The following TENM2 variants were observed in gnomAD, a reference collection of about 807,000 sequenced individuals.
TENM2 encodes teneurin transmembrane protein 2, also known as teneurin-2.
In TENM2, 52 loss-of-function variants were observed where a neutral mutation model predicts 245.2. The observed-to-expected ratio is 0.21, with a 90% CI of 0.17 to 0.27. The LOEUF is 0.27. Among genes scored for constraint, TENM2 ranks in the 10% least tolerant of loss-of-function variants. The pLI, the probability that TENM2 is intolerant of heterozygous loss-of-function variation, is 1.00. For missense variants in TENM2, 3,046 were observed against 3,666.8 expected (o/e 0.83, Z 4.37); for synonymous variants, 1,363 against 1,438.9 (o/e 0.95, Z 1.19).
chr5:168,227,039 G>T (rs546972139), intron 24 of TENM2, among the ~76,000 whole-genome samples: 1 of 152,084 alleles, frequency 6.6e-6, no homozygotes, highest in Non-Finnish European at 1.5e-5. Context: ...GTCCTTCTGC[G>T]TGTGACGGCT....
chr5:167,349,591 G>A (rs1758692316), intron 1 of TENM2, among the ~76,000 whole-genome samples: 1 of 151,864 alleles, frequency 6.6e-6, no homozygotes. Context: ...TTATCTTATT[G>A]TAATTACTAT....
the TENM2 span, among the ~76,000 whole-genome samples, chr5:167,059,993 G>A: frequency 7.9e-5 from 12 of 152,010 alleles, no homozygotes; most frequent in African/African-American, 2.2e-4. Context: ...ATGAGCCACC[G>A]TGCCCAGCCA....
the TENM2 span, among the ~76,000 whole-genome samples, chr5:166,992,980 T>C: frequency 1.3e-5 from 2 of 152,162 alleles, no homozygotes; most frequent in African/African-American, 4.8e-5. Flanking sequence ...CAGATTATTC[T>C]GTGTAGTCCA....
At chr5:167,185,579 G>A in the TENM2 span, among the ~76,000 whole-genome samples, 2 of 151,868 alleles carry the variant, frequency 1.3e-5, no homozygotes, top group African/African-American at 2.4e-5. Context: ...ACCCATCAGC[G>A]ATCACTATCA....
At chr5:167,675,063 A>G (rs1423799326) in intron 2 of TENM2, among the ~76,000 whole-genome samples, 1 of 152,088 alleles carries the variant, frequency 6.6e-6, no homozygotes. Context: ...GAATGGTGAG[A>G]AAAAAAGAAA....
chr5:168,263,140 G>A (rs1768359572), downstream of TENM2: 6 of 233,896 alleles, frequency 2.6e-5, no homozygotes, highest in South Asian at 1.4e-4. Flanking sequence ...GTGTCCAAAA[G>A]GAACAAAAGA....
the TENM2 span, among the ~76,000 whole-genome samples, chr5:167,245,074 C>T: frequency 6.6e-6 from 1 of 152,242 alleles, no homozygotes; most frequent in South Asian, 2.1e-4. Flanking sequence ...TCTTAGTTGC[C>T]ATTTTAATTC....
chr5:168,258,816 T>C (rs778934498), intron 27 of TENM2, among the ~76,000 whole-genome samples: 1 of 152,190 alleles, frequency 6.6e-6, no homozygotes, highest in Non-Finnish European at 1.5e-5. Flanking sequence ...ACATTGTGAA[T>C]GTACTGGAAA....
chr5:167,279,408 C>T, the TENM2 span, among the ~76,000 whole-genome samples: 1 of 152,170 alleles, frequency 6.6e-6, no homozygotes, highest in African/African-American at 2.4e-5. Context: ...ATTTTATCAT[C>T]ACCCTACAGG....
chr5:167,592,356 A>G (rs1397144405), intron 2 of TENM2, among the ~76,000 whole-genome samples: 1 of 152,182 alleles, frequency 6.6e-6, no homozygotes, highest in Non-Finnish European at 1.5e-5. Context: ...CCAGCTCAGC[A>G]AGAGCGGTGT....
intron 9 of TENM2, among the ~76,000 whole-genome samples, chr5:168,103,577 T>C (rs975145378): frequency 2.0e-5 from 3 of 152,178 alleles, no homozygotes; most frequent in African/African-American, 7.2e-5. Flanking sequence ...GTCTGTCTGA[T>C]ATTTTCCGGT....
chr5:167,634,279 C>A (rs1779056204), intron 2 of TENM2, among the ~76,000 whole-genome samples: 1 of 152,154 alleles, frequency 6.6e-6, no homozygotes, highest in Non-Finnish European at 1.5e-5. Context: ...GCAAGGAATT[C>A]TTCTGATATT....
At chr5:167,522,283 A>T (rs1221756622) in intron 2 of TENM2, among the ~76,000 whole-genome samples, 2 of 152,182 alleles carry the variant, frequency 1.3e-5, no homozygotes, top group Non-Finnish European at 2.9e-5. Flanking sequence ...AGGGCATGAC[A>T]ATACTACCCT....
At chr5:168,199,748 A>T in intron 16 of TENM2, 116 bp from the exon 19 acceptor site, 4 of 1,115,880 alleles carry the variant, frequency 3.6e-6, no homozygotes, top group Non-Finnish European at 5.1e-6. Context: ...TGGTTCTTGC[A>T]CCCACATAAG....
intron 2 of TENM2, among the ~76,000 whole-genome samples, chr5:167,684,392 C>T (rs1334015765): frequency 6.6e-6 from 1 of 152,232 alleles, no homozygotes; most frequent in Non-Finnish European, 1.5e-5. Flanking sequence ...AAATGCACCA[C>T]TTTCTGTATC....
chr5:168,006,765 G>T (rs1395920354), intron 5 of TENM2, among the ~76,000 whole-genome samples: 1 of 152,176 alleles, frequency 6.6e-6, no homozygotes, highest in Non-Finnish European at 1.5e-5. Context: ...ACAGTGACGT[G>T]CTGCCTGAAA....
chr5:167,444,286 CACACATACACAT>C (rs1297647970), intron 2 of TENM2, among the ~76,000 whole-genome samples: 1 of 79,436 alleles, frequency 1.3e-5, no homozygotes, highest in Non-Finnish European at 2.4e-5. Context: ...TGCACACATG[CACACATACACAT>C]ACACACACAC....
intron 27 of TENM2, among the ~76,000 whole-genome samples, chr5:168,254,520 A>AGGGG (rs1349598724): frequency 6.6e-5 from 10 of 151,664 alleles, no homozygotes; most frequent in African/African-American, 1.7e-4. Context: ...AAGAGGAAGA[A>AGGGG]AGGGAGGAAG....
intron 2 of TENM2, among the ~76,000 whole-genome samples, chr5:167,522,382 G>C (rs202128308): frequency 6.9e-6 from 1 of 144,914 alleles, no homozygotes; most frequent in Non-Finnish European, 1.5e-5. Flanking sequence ...TGATGATTAT[G>C]AAAAAGAGGT....
Sources: allele counts gnomAD v4.1 joint callset (sites outside exome capture counted in the v4.1 genomes callset), GRCh38; gene constraint gnomAD v4.1.1; transcripts MANE v1.5; gene names NCBI Gene and HGNC (gene_info 2026-07-23, HGNC 2026-07-21).